TTC39B: variants seen among roughly 807,000 people sequenced by gnomAD.
TTC39B encodes the protein tetratricopeptide repeat domain 39B, also known as tetratricopeptide repeat protein 39B.
In TTC39B, 92 loss-of-function variants were observed where a neutral mutation model predicts 96.6. That is an observed-to-expected ratio of 0.95 (90% CI 0.80 to 1.13). The LOEUF (loss-of-function observed/expected upper bound fraction) is 1.13. TTC39B is among the 50% of genes most tolerant of loss of function. The pLI, the probability that TTC39B is intolerant of heterozygous loss-of-function variation, is 0.00. For synonymous variants in TTC39B, 367 were observed against 299.4 expected (o/e 1.23, Z -2.33); for missense variants, 955 against 809.3 (o/e 1.18, Z -2.18).
chr9:15,196,462 T>A (rs1262552154), intron 8 of TTC39B, among the ~76,000 whole-genome samples: 1 of 152,200 alleles, frequency 6.6e-6, no homozygotes, highest in Non-Finnish European at 1.5e-5. Context: ...AGAAGTTGAT[T>A]TCAACCCTCA....
Position 15,189,559 on chromosome 9 carries a change from C to T in TTC39B, c.1233+15G>A. 6.2e-7 allele frequency: 1 copy of T among 1,612,632 alleles called. No individual in the cohort carries two copies. Among genetic ancestry groups the T allele is most frequent in the South Asian group, 1.1e-5 (1 of 91,042 alleles). ...ACAGACAACTCCCCCAAATAATTCC[C>T]ACCTAATAAATTACCTCTTCAAGAT... is the stretch of plus-strand genomic sequence containing the variant. On this transcript the variant is annotated intron_variant, in intron 13 of 19. Coordinates refer to ENST00000512701, the Ensembl canonical transcript of TTC39B.
chr9:15,171,262 T>C (rs979204451), exon 20 of TTC39B: 2 of 5,630 alleles, frequency 3.6e-4, no homozygotes, highest in African/African-American at 2.7e-3. Flanking sequence ...ATAATCCATG[T>C]ATGTATTTTA....
chr9:15,296,682 A>G (rs556976904), intron 1 of TTC39B, among the ~76,000 whole-genome samples: 1 of 152,260 alleles, frequency 6.6e-6, no homozygotes, highest in African/African-American at 2.4e-5. Flanking sequence ...TTTAATAGAG[A>G]CTGGGTTTCA....
exon 20 of TTC39B, chr9:15,169,118 G>C (rs1817582035): frequency 6.6e-6 from 1 of 152,158 alleles, no homozygotes; most frequent in African/African-American, 2.4e-5. Context: ...ATTGATTTTA[G>C]ACTGTTGGGT....
intron 17 of TTC39B, among the ~76,000 whole-genome samples, chr9:15,180,630 G>A (rs1191963743): frequency 6.6e-6 from 1 of 152,148 alleles, no homozygotes; most frequent in African/African-American, 2.4e-5. Flanking sequence ...GGAAGATGAT[G>A]TAACCTCAGG....
chr9:15,186,983 T>C (rs1240482667), exon 15 of TTC39B: 1 of 1,613,638 alleles, frequency 6.2e-7, no homozygotes, highest in African/African-American at 1.3e-5. Flanking sequence ...TGCTACTACA[T>C]CCTCCTCTGG....
chr9:15,250,128 C>G, intron 2 of TTC39B: 2 of 1,237,146 alleles, frequency 1.6e-6, no homozygotes, highest in Non-Finnish European at 2.1e-6. Context: ...GTTGCCGAGG[C>G]AGCTGACAGC....
chr9:15,267,493 G>C (rs907582848), intron 2 of TTC39B, among the ~76,000 whole-genome samples: 1 of 152,182 alleles, frequency 6.6e-6, no homozygotes, highest in African/African-American at 2.4e-5. Context: ...AAGCAGGTAA[G>C]TAAATTGTAA....
chr9:15,244,063 T>A (rs1822166805), intron 2 of TTC39B, among the ~76,000 whole-genome samples: 1 of 152,214 alleles, frequency 6.6e-6, no homozygotes, highest in South Asian at 2.1e-4. Context: ...GCCTGTATCT[T>A]TTCAAATTCT....
chr9:15,285,678 C>T (rs899379669), intron 1 of TTC39B, among the ~76,000 whole-genome samples: 6 of 152,096 alleles, frequency 3.9e-5, no homozygotes, highest in Non-Finnish European at 7.3e-5. Flanking sequence ...CACGATGAAA[C>T]CCCGTCTCTA....
intron 2 of TTC39B, among the ~76,000 whole-genome samples, chr9:15,259,408 A>C (rs1185412551): frequency 3.3e-5 from 5 of 152,220 alleles, no homozygotes; most frequent in Admixed American, 2.0e-4. Context: ...AGGGCATTAA[A>C]AAGTTAAACA....
chr9:15,272,572 T>C (rs373710673), intron 1 of TTC39B, among the ~76,000 whole-genome samples: 13 of 152,224 alleles, frequency 8.5e-5, no homozygotes, highest in African/African-American at 3.1e-4. Flanking sequence ...GTGCTACTAC[T>C]GTAGGGCCTG....
At chr9:15,233,278 C>T (rs556249849) in intron 2 of TTC39B, among the ~76,000 whole-genome samples, 66 of 152,254 alleles carry the variant, frequency 4.3e-4, no homozygotes, top group Non-Finnish European at 7.8e-4. Context: ...CTGGCCGGTG[C>T]CATGACACCG....
intron 15 of TTC39B, 86 bp downstream of exon 15, chr9:15,186,858 G>T: frequency 8.1e-7 from 1 of 1,230,674 alleles, no homozygotes; most frequent in Non-Finnish European, 1.2e-6. Flanking sequence ...ACCAGGCCCA[G>T]CTAATTTTTT....
intron 3 of TTC39B, among the ~76,000 whole-genome samples, chr9:15,222,123 G>A (rs1054794854): frequency 2.0e-5 from 3 of 152,254 alleles, no homozygotes; most frequent in East Asian, 1.9e-4. Flanking sequence ...TTCTTTTGTC[G>A]TAGTTGTTAA....
At chr9:15,192,795 T>G (rs1464446531) in intron 8 of TTC39B, 100 bp from the exon 9 acceptor site, 1 of 764,284 alleles carries the variant, frequency 1.3e-6, no homozygotes, top group Non-Finnish European at 2.1e-6. Context: ...TAAATGTCAT[T>G]AATTAAAATA....
intron 3 of TTC39B, 66 bp from the exon 4 acceptor site, chr9:15,214,315 AGTGTGTGTGTGTGT>A (rs199807096): frequency 8.9e-5 from 65 of 732,938 alleles, no homozygotes; most frequent in Non-Finnish European, 1.3e-4. Flanking sequence ...GTCCGAAGGG[AGTGTGTGTGTGTGT>A]GTGTGTGTGT....
exon 20 of TTC39B, chr9:15,169,609 G>C (rs998485107): frequency 1.3e-5 from 2 of 152,156 alleles, no homozygotes; most frequent in Non-Finnish European, 2.9e-5. Flanking sequence ...AATATTAGCT[G>C]ATGCCCAAGA....
chr9:15,263,761 C>T (rs1239432462), intron 2 of TTC39B, among the ~76,000 whole-genome samples: 1 of 152,170 alleles, frequency 6.6e-6, no homozygotes, highest in Non-Finnish European at 1.5e-5. Context: ...AATCTGGCTA[C>T]CCCTTCTGAT....
Sources: allele counts gnomAD v4.1 joint callset (sites outside exome capture counted in the v4.1 genomes callset), GRCh38; gene constraint gnomAD v4.1.1; transcripts MANE v1.5; gene names NCBI Gene and HGNC (gene_info 2026-07-23, HGNC 2026-07-21).